CHRM3: variants seen among roughly 807,000 people sequenced by gnomAD.
CHRM3 encodes the protein cholinergic receptor muscarinic 3.
Under a neutral mutation model 41.8 loss-of-function variants are expected in CHRM3, and 11 were observed. The observed-to-expected ratio is 0.26, with a 90% CI of 0.17 to 0.44. The LOEUF is 0.44. Among genes scored for constraint, CHRM3 ranks in the 20% least tolerant of loss-of-function variants. CHRM3 has a pLI of 1.00. For missense variants in CHRM3, 571 were observed against 745.4 expected (o/e 0.77, Z 2.72); for synonymous variants, 297 against 301.4 (o/e 0.99, Z 0.15).
At chr1:239,663,330 T>C (rs982059858) in intron 4 of CHRM3, among the ~76,000 whole-genome samples, 2 of 152,146 alleles carry the variant, frequency 1.3e-5, no homozygotes, top group Non-Finnish European at 2.9e-5. Flanking sequence ...CTGGATTTTG[T>C]GAACAGTTTG....
intron 5 of CHRM3, among the ~76,000 whole-genome samples, chr1:239,715,209 CA>C (rs1662216461): frequency 7.9e-6 from 1 of 127,106 alleles, no homozygotes; most frequent in South Asian, 2.7e-4. Flanking sequence ...GAATTAAAGG[CA>C]TATTTAAATT....
At chr1:239,905,946 T>C (rs912489289) in intron 6 of CHRM3, among the ~76,000 whole-genome samples, 4 of 152,204 alleles carry the variant, frequency 2.6e-5, no homozygotes, top group South Asian at 2.1e-4. Context: ...TGTTAAAACA[T>C]TTTGATGAGA....
intron 5 of CHRM3, among the ~76,000 whole-genome samples, chr1:239,738,501 A>G (rs1471761978): frequency 6.6e-6 from 1 of 152,218 alleles, no homozygotes; most frequent in Middle Eastern, 3.2e-3. Context: ...AAGCATGTAC[A>G]AATGGGAGAA....
chr1:239,647,025 A>G (rs965949091), intron 4 of CHRM3, among the ~76,000 whole-genome samples: 4 of 152,160 alleles, frequency 2.6e-5, no homozygotes, highest in Non-Finnish European at 5.9e-5. Flanking sequence ...TTTGTACATC[A>G]GTTTTATATT....
At chr1:239,760,858 T>A (rs1295610371) in intron 5 of CHRM3, among the ~76,000 whole-genome samples, 1 of 152,204 alleles carries the variant, frequency 6.6e-6, no homozygotes, top group African/African-American at 2.4e-5. Context: ...TTTCCTCATG[T>A]TTCTTGTGCT....
intron 5 of CHRM3, among the ~76,000 whole-genome samples, chr1:239,698,188 C>A (rs187100427): frequency 8.5e-5 from 13 of 152,286 alleles, no homozygotes; most frequent in African/African-American, 2.9e-4. Flanking sequence ...TGTACCGTGA[C>A]AGGTATTATG....
At chr1:239,859,267 G>T (rs979008210) in intron 6 of CHRM3, among the ~76,000 whole-genome samples, 4 of 151,918 alleles carry the variant, frequency 2.6e-5, no homozygotes, top group Non-Finnish European at 5.9e-5. Context: ...GTTCTTTTTT[G>T]TTTGTTTCTA....
intron 5 of CHRM3, chr1:239,727,602 C>A (rs1380386626): frequency 1.3e-5 from 2 of 151,494 alleles, no homozygotes; most frequent in Non-Finnish European, 2.9e-5. Flanking sequence ...TTAAAGAGAA[C>A]ATGAGAGAAG....
At chr1:239,645,114 G>A (rs114763994) in intron 4 of CHRM3, among the ~76,000 whole-genome samples, 332 of 152,276 alleles carry the variant, frequency 2.2e-3, no homozygotes, top group African/African-American at 5.8e-3. Context: ...GCCCTCAGCC[G>A]TGCTTAGAGT....
chr1:239,888,083 C>G (rs1226883676), intron 6 of CHRM3, among the ~76,000 whole-genome samples: 3 of 152,130 alleles, frequency 2.0e-5, no homozygotes, highest in Non-Finnish European at 4.4e-5. Context: ...CATTCTGACA[C>G]CAACAGTCAT....
At chr1:239,619,921 A>C (rs1668172643) in intron 3 of CHRM3, among the ~76,000 whole-genome samples, 1 of 152,186 alleles carries the variant, frequency 6.6e-6, no homozygotes, top group African/African-American at 2.4e-5. Context: ...TACCTGAAGA[A>C]AAGGGTGATT....
At chr1:239,856,298 G>A (rs1268462090) in intron 6 of CHRM3, among the ~76,000 whole-genome samples, 1 of 152,136 alleles carries the variant, frequency 6.6e-6, no homozygotes, top group African/African-American at 2.4e-5. Flanking sequence ...GAGTGTTGGA[G>A]GTGGGGCCTA....
At chr1:239,756,228 T>G (rs1325296219) in intron 5 of CHRM3, among the ~76,000 whole-genome samples, 1 of 152,168 alleles carries the variant, frequency 6.6e-6, no homozygotes, top group East Asian at 1.9e-4. Flanking sequence ...CACTATAACG[T>G]ACAGAGTCAG....
chr1:239,508,394 A>C (rs1668711488), intron 2 of CHRM3, among the ~76,000 whole-genome samples: 1 of 152,190 alleles, frequency 6.6e-6, no homozygotes, highest in Non-Finnish European at 1.5e-5. Context: ...ATTTGACCAT[A>C]AAGGAATTCT....
intron 1 of CHRM3, among the ~76,000 whole-genome samples, chr1:239,456,501 G>A (rs537498547): frequency 1.6e-4 from 24 of 152,260 alleles, no homozygotes; most frequent in African/African-American, 3.4e-4. Flanking sequence ...AGGCTACACC[G>A]TCTAGGCTTG....
In CHRM3 at chr1:239,670,747, C is replaced by T. The variant is rs373357712; in HGVS notation, c.-249-7439C>T. 6.2e-5 allele frequency among the ~76,000 whole-genome samples: 9 copies of T among 145,726 alleles called. No homozygotes were observed. The East Asian group carries it at 1.3e-3, about 21-fold the overall frequency. On this transcript the variant is annotated intron_variant, in intron 4 of 6. Coordinates refer to ENST00000676153, the MANE Select transcript of CHRM3 (RefSeq NM_001375978.1). Reference sequence around the variant, plus strand: ...TTCACCATGTTGATCAGGCTGGTCTCGAACTCCCAACCTCAGGTGATCTAC... The same window carrying T: ...TTCACCATGTTGATCAGGCTGGTCTTGAACTCCCAACCTCAGGTGATCTAC...
intron 3 of CHRM3, among the ~76,000 whole-genome samples, chr1:239,605,227 A>G (rs1040139577): frequency 6.6e-6 from 1 of 152,160 alleles, no homozygotes; most frequent in Non-Finnish European, 1.5e-5. Context: ...ATTTCCATCA[A>G]TGAGGGACAG....
chr1:239,861,088 A>G (rs1274588521), intron 6 of CHRM3, among the ~76,000 whole-genome samples: 1 of 152,132 alleles, frequency 6.6e-6, no homozygotes, highest in Non-Finnish European at 1.5e-5. Context: ...AGTAACCTCT[A>G]TTATTAACAT....
At chr1:239,705,102 G>A (rs563457741) in intron 5 of CHRM3, 2 of 152,330 alleles carry the variant, frequency 1.3e-5, no homozygotes, top group East Asian at 3.9e-4. Flanking sequence ...AGCTACTTGG[G>A]AGGCTGAGAC....
Sources: allele counts gnomAD v4.1 joint callset (sites outside exome capture counted in the v4.1 genomes callset), GRCh38; gene constraint gnomAD v4.1.1; transcripts MANE v1.5; gene names NCBI Gene and HGNC (gene_info 2026-07-23, HGNC 2026-07-21).